Variants in PI4K2A observed in about 807,000 individuals in gnomAD.
PI4K2A encodes phosphatidylinositol 4-kinase type 2-alpha.
In PI4K2A, 20 loss-of-function variants were observed where a neutral mutation model predicts 55.0. The observed-to-expected ratio is 0.36, with a 90% CI of 0.26 to 0.53. PI4K2A has a LOEUF of 0.53. PI4K2A is among the 20% of genes least tolerant of loss of function. The pLI, the probability that PI4K2A is intolerant of heterozygous loss-of-function variation, is 0.91. For synonymous variants in PI4K2A, 235 were observed against 258.5 expected (o/e 0.91, Z 0.87); for missense variants, 463 against 637.1 (o/e 0.73, Z 2.94).
In PI4K2A at chr10:97,663,068, A is replaced by G. The variant is rs1476772726; in HGVS notation, c.984+100A>G. On this transcript the variant is annotated intron_variant, in intron 5 of 8. Coordinates refer to ENST00000370631, the Ensembl canonical transcript of PI4K2A. ...ATGTAGTTCATACAAGTTCAGAAGAATCGGGGGGCGCATATGTTTAAAATT... is the reference window on the plus strand; with the variant it reads ...ATGTAGTTCATACAAGTTCAGAAGAGTCGGGGGGCGCATATGTTTAAAATT... 9.8e-6 allele frequency: 8 copies of G among 814,900 alleles called. No homozygotes were observed. In the East Asian group the frequency reaches 2.0e-4, roughly 20 times the overall value. The allele number at this position is 814,900 out of a possible 1,614,324, so 50.5% of individuals were successfully genotyped here.
At chr10:97,675,770 C>G (rs188154782) in exon 9 of PI4K2A, 1 of 152,884 alleles carries the variant, frequency 6.5e-6, no homozygotes, top group East Asian at 1.9e-4. Context: ...TGTGGGCATC[C>G]TTTCCTGGCC....
At chr10:97,670,291 C>A (rs896186573) in intron 8 of PI4K2A, among the ~76,000 whole-genome samples, 2 of 152,128 alleles carry the variant, frequency 1.3e-5, no homozygotes, top group African/African-American at 2.4e-5. Context: ...TTTTTAAATT[C>A]TTTATTCTCC....
intron 8 of PI4K2A, among the ~76,000 whole-genome samples, chr10:97,672,097 C>T (rs578129359): frequency 6.6e-5 from 10 of 151,242 alleles, no homozygotes; most frequent in African/African-American, 2.4e-4. Flanking sequence ...GGCTGGAGTG[C>T]AGTGGCGCAG....
At position 97,662,951 on chromosome 10, in the gene PI4K2A, G is replaced by A. The variant is rs779616058; in HGVS notation, c.967G>A (p.Asp323Asn). ...GCTGATTAAATATGACTGTCCAATG[G>A]ATAGTTCTAGCTCTCGGGTAAGAGA... is the stretch of plus-strand genomic sequence containing the variant. The change falls in exon 5 of 9, where the codon GAT becomes AAT. Residue 323 changes from aspartate to asparagine, a missense_variant. Asp to Asn is a conservative substitution (Grantham distance 23). Transcript: ENST00000370631. The A allele has an allele frequency of 1.9e-6, 3 of 1,601,296 alleles. No homozygotes were observed. The South Asian group carries it at 3.3e-5, about 18-fold the overall frequency.
In PI4K2A at chr10:97,656,234, TG is replaced by T; in HGVS notation, c.637-49del. 1 of 1,508,034 alleles carries T rather than the reference TG, an allele frequency of 6.6e-7. No homozygotes were observed. Among genetic ancestry groups the T allele is most frequent in the Non-Finnish European group, 9.2e-7 (1 of 1,087,066 alleles). The allele number at this position is 1,508,034 out of a possible 1,614,324, so 93.4% of individuals were successfully genotyped here. ...CTATTTATTCTCTGCCATAGTCTTCTGGTTCCTTAAACTTGACTCTAACCTT... is the reference window on the plus strand; with the variant it reads ...CTATTTATTCTCTGCCATAGTCTTCTGTTCCTTAAACTTGACTCTAACCTT... On this transcript the variant is annotated intron_variant, in intron 2 of 8. Coordinates refer to ENST00000370631, the Ensembl canonical transcript of PI4K2A. The surrounding 1 kb of genome is among the most constrained non-coding windows in gnomAD (Gnocchi z 4.5).
Position 97,644,088 on chromosome 10 carries a change from C to T in PI4K2A, c.435+2911C>T, listed in dbSNP as rs536355964. On this transcript the variant is annotated intron_variant, in intron 1 of 8. Coordinates refer to ENST00000370631, the Ensembl canonical transcript of PI4K2A. ...TATTCTGGACAGGTGCGGTGGCTCA[C>T]GCCTGTACTCTCAGCACTTTGGGAG... Among the ~76,000 whole-genome samples, 5 of 152,296 alleles carry T rather than the reference C, an allele frequency of 3.3e-5. No individual in the cohort carries two copies. The South Asian group carries it at 6.2e-4, about 19-fold the overall frequency.
chr10:97,653,063 A>G (rs1393606850), intron 2 of PI4K2A, among the ~76,000 whole-genome samples: 2 of 152,202 alleles, frequency 1.3e-5, no homozygotes, highest in Non-Finnish European at 2.9e-5. Flanking sequence ...TGCTTTGAAC[A>G]TCTTGTATGA....
chr10:97,669,282 C>G (rs908467080), intron 8 of PI4K2A, among the ~76,000 whole-genome samples: 1 of 152,188 alleles, frequency 6.6e-6, no homozygotes, highest in Non-Finnish European at 1.5e-5. Context: ...TTTTTGGAAG[C>G]ATTAAAAGCC....
Position 97,662,767 on chromosome 10 carries a change from G to T in PI4K2A, c.923-140G>T, listed in dbSNP as rs1003721101. On this transcript the variant is annotated intron_variant, in intron 4 of 8. Transcript: ENST00000370631. The stretch of plus-strand genomic sequence containing the variant: ...TTAAAATCTCCAGTACCTTAAAAAA[G>T]ATCTAAAAATATTTTATCCAGCATT... 4 of 660,272 alleles carry T rather than the reference G, an allele frequency of 6.1e-6. No homozygotes were observed. In the African/African-American group the frequency reaches 7.3e-5, roughly 12 times the overall value. 40.9% of individuals were successfully genotyped at this position (660,272 alleles called of 1,614,324 possible). A position where few individuals can be genotyped will look rare whatever the true frequency, so the allele number is the denominator to read the frequency against.
chr10:97,664,249 T>C (rs758865839), intron 5 of PI4K2A, among the ~76,000 whole-genome samples: 8 of 152,360 alleles, frequency 5.3e-5, no homozygotes, highest in South Asian at 2.1e-4. Flanking sequence ...CAGTTCTTGT[T>C]CCTGTGATGG....
intron 1 of PI4K2A, among the ~76,000 whole-genome samples, chr10:97,649,770 C>A (rs2041522100): frequency 6.6e-6 from 1 of 151,564 alleles, no homozygotes; most frequent in Non-Finnish European, 1.5e-5. Flanking sequence ...ATTACAGGTG[C>A]ATGCCACCAT....
At chr10:97,642,368 G>A (rs962307378) in intron 1 of PI4K2A, among the ~76,000 whole-genome samples, 1 of 151,376 alleles carries the variant, frequency 6.6e-6, no homozygotes, top group Non-Finnish European at 1.5e-5. Flanking sequence ...AAAGCTTTGC[G>A]AGTAATAAGT....
At chr10:97,659,509 T>G (rs1429876913) in intron 4 of PI4K2A, among the ~76,000 whole-genome samples, 1 of 152,088 alleles carries the variant, frequency 6.6e-6, no homozygotes, top group African/African-American at 2.4e-5. Context: ...TTTTATTTCT[T>G]TTTTCTTGCT....
chr10:97,645,545 T>G (rs2041501103), intron 1 of PI4K2A, among the ~76,000 whole-genome samples: 1 of 149,330 alleles, frequency 6.7e-6, no homozygotes, highest in South Asian at 2.1e-4. Context: ...GAGGCGGAGC[T>G]TGCAGTGAGC....
chr10:97,641,874 G>A (rs2041471667), intron 1 of PI4K2A, among the ~76,000 whole-genome samples: 1 of 152,112 alleles, frequency 6.6e-6, no homozygotes, highest in Admixed American at 6.6e-5. Context: ...TCAACAGCCT[G>A]CTTTTCAACT....
At chr10:97,671,512 A>T (rs10786362) in intron 8 of PI4K2A, among the ~76,000 whole-genome samples, 2 of 151,948 alleles carry the variant, frequency 1.3e-5, no homozygotes. Context: ...CTCTTTGTAC[A>T]ATCTGCAACT....
At chr10:97,671,505 T>C (rs2041635004) in intron 8 of PI4K2A, among the ~76,000 whole-genome samples, 1 of 152,100 alleles carries the variant, frequency 6.6e-6, no homozygotes. Flanking sequence ...ATAGGAACTC[T>C]TTGTACAATC....
In PI4K2A at chr10:97,673,571, C is replaced by T; in HGVS notation, c.1279-10C>T. ...CCTCTCCCTCACCCATCTCCTTTTT[C>T]CCACTGCAGATCTTAAATCTGACCC... On this transcript the variant is annotated splice_polypyrimidine_tract_variant and intron_variant, in intron 8 of 8. Transcript: ENST00000370631. The T allele has an allele frequency of 6.2e-7, 1 of 1,613,300 alleles. No homozygotes were observed. Among genetic ancestry groups the T allele is most frequent in the Non-Finnish European group, 8.5e-7 (1 of 1,179,544 alleles).
At chr10:97,673,545 G>C in intron 8 of PI4K2A, 36 bp from the exon 9 acceptor site, 1 of 1,599,806 alleles carries the variant, frequency 6.3e-7, no homozygotes, top group Non-Finnish European at 8.6e-7. Context: ...GAATGCTGAG[G>C]CCTCTCCCTC....
Sources: allele counts gnomAD v4.1 joint callset (sites outside exome capture counted in the v4.1 genomes callset), GRCh38; gene constraint gnomAD v4.1.1; non-coding constraint Gnocchi (gnomAD v3.1); transcripts MANE v1.5; gene names NCBI Gene and HGNC (gene_info 2026-07-23, HGNC 2026-07-21).